Variants in CPA1 observed in about 807,000 individuals in gnomAD.
CPA1 encodes carboxypeptidase A1, also known as carboxypeptidase A1 (pancreatic).
CPA1 carries 42 observed loss-of-function variants against 48.7 expected under a neutral mutation model. That is an observed-to-expected ratio of 0.86 (90% confidence interval 0.67 to 1.11). The LOEUF (loss-of-function observed/expected upper bound fraction) is 1.11. CPA1 is among the 50% of genes most tolerant of loss of function. The pLI, the probability that CPA1 is intolerant of heterozygous loss-of-function variation, is 0.00. For missense variants in CPA1, 477 were observed against 544.7 expected, an observed-to-expected ratio of 0.88 and a Z score of 1.24; for synonymous variants, 203 against 217.9, an observed-to-expected ratio of 0.93 and a Z score of 0.60.
chr7:130,381,032 TG>T, intron 1 of CPA1, 65 bp from the exon 2 acceptor site: 2 of 1,318,006 alleles, frequency 1.5e-6, no homozygotes, highest in Non-Finnish European at 2.2e-6. Context: ...CTCCTGCACC[TG>T]GGGAGTGCTT....
chr7:130,386,601 TCA>T (rs1462786826), intron 9 of CPA1, among the ~76,000 whole-genome samples: 2 of 152,090 alleles, frequency 1.3e-5, no homozygotes, highest in African/African-American at 4.8e-5. Flanking sequence ...GATTTATTCC[TCA>T]CTTACTTATT....
rs1554411822 is a variant in CPA1 at position 130,385,243 on chromosome 7, C to T, written c.885C>T (p.Asp295=). The part of the protein sequence containing the change: ...EVKSIVDFVK[D]HGNIKAFISI... ...AGTCCATTGTAGACTTTGTGAAGGA[C>T]CATGGGAACATCAAGGCCTTCATCT... is the stretch of plus-strand genomic sequence containing the variant. Residue 295 remains aspartate (D), a synonymous_variant, in exon 8 of 10, where the codon GAC becomes GAT. Coordinates refer to ENST00000011292, the MANE Select transcript of CPA1 (RefSeq NM_001868.4). 6.2e-7 allele frequency: 1 copy of T among 1,614,178 alleles called. No individual in the cohort carries two copies. Among genetic ancestry groups the T allele is most frequent in the Non-Finnish European group, 8.5e-7 (1 of 1,180,010 alleles).
rs1554411011 is a variant in CPA1, at chr7:130,380,501, C to A, written c.-20C>A. 3.0e-6 allele frequency: 4 copies of A among 1,311,592 alleles called. No individual in the cohort carries two copies. Among genetic ancestry groups the A allele is most frequent in the Non-Finnish European group, 2.9e-6 (3 of 1,020,752 alleles). The allele number at this position is 1,311,592 out of a possible 1,614,324, so 81.2% of individuals were successfully genotyped here. On this transcript the variant is annotated 5_prime_UTR_variant, in exon 1 of 10. Transcript: ENST00000011292. ...GGGGGCCGTCTCGACCTCAGTCTGACCTTCCCTCCCGGCAGCAGCATGCGG... is the reference window on the plus strand; with the variant it reads ...GGGGGCCGTCTCGACCTCAGTCTGAACTTCCCTCCCGGCAGCAGCATGCGG...
Position 130,383,683 on chromosome 7 carries a change from G to A in CPA1, c.586-1G>A. Reference sequence around the variant, plus strand: ...GCCCCTCTGCTCCTCTAACCCCCCAGATCACTCAAGACTACGGGCAGGATG... The same window carrying A: ...GCCCCTCTGCTCCTCTAACCCCCCAAATCACTCAAGACTACGGGCAGGATG... On this transcript the variant is annotated splice_acceptor_variant, in intron 5 of 9. Transcript: ENST00000011292. LOFTEE classifies it high-confidence loss of function. 6.2e-7 allele frequency: 1 copy of A among 1,611,690 alleles called. No individual in the cohort carries two copies. The highest frequency in any genetic ancestry group is 8.5e-7 in the Non-Finnish European group (1 of 1,177,754).
At position 130,381,710 on chromosome 7, in the gene CPA1, G is replaced by T. The variant is rs1796407175; in HGVS notation, c.228G>T (p.Lys76Asn). The T allele has an allele frequency of 1.9e-6, 3 of 1,614,022 alleles. No individual in the cohort carries two copies. The highest frequency in any genetic ancestry group is 1.3e-5 in the African/African-American group (1 of 74,938). ...RVPFPSIQAV[K>N]IFLESHGISY... ...CCTTCCCCAGCATCCAGGCGGTCAA[G>T]ATCTTTCTGGAGTCCCACGGCATCA... The change falls in exon 3 of 10, where the codon AAG (lysine) becomes AAT (asparagine). Residue 76 changes from lysine to asparagine, a missense_variant. Transcript: ENST00000011292.
intron 6 of CPA1, 47 bp from the exon 7 acceptor site, chr7:130,384,489 A>G (rs1554411701): frequency 6.6e-7 from 1 of 1,522,776 alleles, no homozygotes; most frequent in East Asian, 2.2e-5. Flanking sequence ...GCACTGTGAC[A>G]AGCGTCACAC....
chr7:130,385,357 C>A lies in CPA1; in HGVS notation c.987+12C>A, dbSNP rs782570276. The A allele has an allele frequency of 6.2e-6, 10 of 1,613,496 alleles. No individual in the cohort carries two copies. The African/African-American group carries it at 1.2e-4, about 19-fold the overall frequency. On this transcript the variant is annotated intron_variant, in intron 8 of 9. Coordinates refer to ENST00000011292, the MANE Select transcript of CPA1 (RefSeq NM_001868.4). ...ACCAGGATGAGCTGGTAGGCACTGA[C>A]CTCGGCTTGCCCCCTCGTCCCCAAG...
intron 6 of CPA1, chr7:130,384,160 C>A: frequency 2.3e-6 from 1 of 430,510 alleles, no homozygotes; most frequent in Non-Finnish European, 4.2e-6. Flanking sequence ...ACTTCCTGGT[C>A]CTACTTCTAT....
intron 4 of CPA1, 63 bp downstream of exon 4, chr7:130,382,272 C>T (rs2117501622): frequency 7.9e-7 from 1 of 1,263,160 alleles, no homozygotes; most frequent in Non-Finnish European, 1.2e-6. Context: ...CCGTGATGGG[C>T]GTGGGCTCTC....
intron 4 of CPA1, among the ~76,000 whole-genome samples, chr7:130,383,100 G>T (rs1319474764): frequency 6.6e-6 from 1 of 152,214 alleles, no homozygotes; most frequent in African/African-American, 2.4e-5. Context: ...TGTTTTGTTT[G>T]TGATGTCCCC....
chr7:130,380,756 TCTCCCA>T, intron 1 of CPA1, 171 bp downstream of exon 1: 1 of 483,452 alleles, frequency 2.1e-6, no homozygotes, highest in Non-Finnish European at 3.6e-6. Flanking sequence ...AGAGGTTGTG[TCTCCCA>T]AGACAGTCTC....
In CPA1 at chr7:130,382,133, T is replaced by A; in HGVS notation, c.407T>A (p.Val136Glu). 1 of 1,614,190 alleles carries A rather than the reference T, an allele frequency of 6.2e-7. No individual in the cohort carries two copies. The highest frequency in any genetic ancestry group is 8.5e-7 in the Non-Finnish European group (1 of 1,180,000). Residue 136 changes from valine (V) to glutamate (E), a missense_variant, in exon 4 of 10, where the codon GTG becomes GAG. Val to Glu is a moderately radical substitution (Grantham distance 121, BLOSUM62 -2). Transcript: ENST00000011292. ...ATCTATGACTTCCTGGACCTGCTGGTGGCGGAGAACCCGCACCTTGTCAGC... is the reference window on the plus strand; with the variant it reads ...ATCTATGACTTCCTGGACCTGCTGGAGGCGGAGAACCCGCACCTTGTCAGC... ...EEIYDFLDLL[V>E]AENPHLVSKI... is the part of the protein sequence containing the mutation.
intron 4 of CPA1, 103 bp downstream of exon 4, chr7:130,382,312 C>A: frequency 1.2e-6 from 1 of 860,994 alleles, no homozygotes; most frequent in South Asian, 1.5e-5. Context: ...AGGGAACACG[C>A]TGTTAAATGG....
At chr7:130,384,990 C>A in intron 7 of CPA1, 156 bp from the exon 8 acceptor site, 2 of 721,486 alleles carry the variant, frequency 2.8e-6, no homozygotes, top group South Asian at 1.8e-5. Flanking sequence ...GAGGGCAGTT[C>A]CCCCAGGTTA....
intron 6 of CPA1, chr7:130,384,280 G>A: frequency 1.8e-6 from 1 of 555,276 alleles, no homozygotes. Context: ...GCCATCCTAT[G>A]GCCTTCCCCA....
intron 4 of CPA1, among the ~76,000 whole-genome samples, chr7:130,382,973 G>A (rs1554411439): frequency 6.6e-6 from 1 of 151,890 alleles, no homozygotes; most frequent in East Asian, 1.9e-4. Flanking sequence ...TAGAGACAGG[G>A]TTTTGCCATG....
In CPA1 at chr7:130,384,585, T is replaced by C; in HGVS notation, c.746T>C (p.Ile249Thr). The C allele has an allele frequency of 5.0e-6, 8 of 1,614,252 alleles. No individual in the cohort carries two copies. Among genetic ancestry groups the C allele is most frequent in the Non-Finnish European group, 6.8e-6 (8 of 1,180,040 alleles). The change falls in exon 7 of 10, where the codon ATT (isoleucine) becomes ACT (threonine). Residue 249 changes from isoleucine (I) to threonine (T), a missense_variant. Physicochemically the swap from Ile to Thr is moderately conservative, Grantham distance 89. Transcript: ENST00000011292. ...TRSHTAGSLC[I>T]GVDPNRNWDA... ...TCCCACACAGCAGGCTCCCTCTGTA[T>C]TGGCGTGGACCCCAACAGGAACTGG...
intron 8 of CPA1, 124 bp downstream of exon 8, chr7:130,385,469 G>A: frequency 1.2e-6 from 1 of 869,374 alleles, no homozygotes; most frequent in Non-Finnish European, 1.8e-6. Context: ...TTCCTTCCCT[G>A]ATGGCTTGGG....
intron 5 of CPA1, 96 bp downstream of exon 5, chr7:130,383,588 G>C: frequency 7.0e-7 from 1 of 1,422,286 alleles, no homozygotes; most frequent in Non-Finnish European, 9.8e-7. Context: ...TCCAGAAGCA[G>C]TGACCACAGA....
Sources: allele counts gnomAD v4.1 joint callset (sites outside exome capture counted in the v4.1 genomes callset), GRCh38; gene constraint gnomAD v4.1.1; transcripts MANE v1.5; gene names NCBI Gene and HGNC (gene_info 2026-07-23, HGNC 2026-07-21).